The following DNAH14 variants were observed in gnomAD, a reference collection of about 807,000 sequenced individuals.
The protein encoded by DNAH14 is axonemal beta dynein heavy chain 14.
Under a neutral mutation model 520.9 loss-of-function variants are expected in DNAH14, and 478 were observed. The ratio of observed to expected loss-of-function variants is 0.92; its 90% CI spans 0.85 to 0.99. The LOEUF (loss-of-function observed/expected upper bound fraction) is 0.99, where lower values mean the gene tolerates loss of function less well. DNAH14 is among the 50% of genes least tolerant of loss of function. The probability of loss-of-function intolerance (pLI) is 0.00; values close to 1 mark genes in which losing one functional copy is unlikely to be tolerated. For missense variants in DNAH14, 4,831 were observed against 5,234.5 expected (o/e 0.92, Z 2.38); for synonymous variants, 1,581 against 1,757.2 (o/e 0.90, Z 2.51).
chr1:224,998,992 A>G (rs1257852551), intron 8 of DNAH14, among the ~76,000 whole-genome samples: 2 of 151,476 alleles, frequency 1.3e-5, no homozygotes, highest in African/African-American at 4.8e-5. Flanking sequence ...TGCTTTTAAC[A>G]TTGTATAGTG....
In DNAH14 at chr1:224,957,046, T is replaced by C. The variant is rs533306545; in HGVS notation, c.217+1948T>C. Among the ~76,000 whole-genome samples the C allele has an allele frequency of 6.6e-5, 10 of 152,266 alleles. No individual in the cohort carries two copies. The South Asian group carries it at 2.1e-3, about 32-fold the overall frequency. ...AAAGGTTCTAAGCAAGGAGTTAATA[T>C]GAGGATTTCTGTTTTGTAAAGATCA... is the stretch of plus-strand genomic sequence containing the variant. On this transcript the variant is annotated intron_variant, in intron 3 of 85. Coordinates refer to ENST00000682510, the MANE Select transcript of DNAH14 (RefSeq NM_001367479.1).
At chr1:225,384,749 CA>C (rs1269117725) in intron 81 of DNAH14, among the ~76,000 whole-genome samples, 9 of 151,936 alleles carry the variant, frequency 5.9e-5, no homozygotes, top group African/African-American at 1.9e-4. Flanking sequence ...GCCTACCAAC[CA>C]AAAAAAGTCC....
intron 78 of DNAH14, among the ~76,000 whole-genome samples, 169 bp from the exon 79 acceptor site, chr1:225,377,068 G>A (rs536457233): frequency 4.0e-5 from 6 of 151,854 alleles, no homozygotes; most frequent in Admixed American, 2.0e-4. Flanking sequence ...TTTTGACAGT[G>A]TCTATAATAT....
chr1:225,337,995 G>A lies in DNAH14; in HGVS notation c.10312-66G>A, dbSNP rs570184448. The A allele has an allele frequency of 1.2e-4, 169 of 1,380,528 alleles. No individual in the cohort carries two copies. In the African/African-American group the frequency reaches 2.0e-3, roughly 17 times the overall value. The allele number at this position is 1,380,528 out of a possible 1,614,324, so 85.5% of individuals were successfully genotyped here. A position where few individuals can be genotyped will look rare whatever the true frequency, so the allele number is the denominator to read the frequency against. On this transcript the variant is annotated intron_variant, in intron 67 of 85. Transcript: ENST00000682510. ...CTCAACCTTTAAATGTTTTATTGCT[G>A]CTTTTTTTTTTCAACCAATTTGTTT...
chr1:225,125,939 A>T (rs2077676513), intron 27 of DNAH14, among the ~76,000 whole-genome samples: 1 of 152,184 alleles, frequency 6.6e-6, no homozygotes, highest in Non-Finnish European at 1.5e-5. Context: ...GGTTGGCCTA[A>T]ATTCAACATT....
At chr1:225,061,473 G>A (rs1159866886) in intron 17 of DNAH14, among the ~76,000 whole-genome samples, 1 of 152,184 alleles carries the variant, frequency 6.6e-6, no homozygotes, top group African/African-American at 2.4e-5. Flanking sequence ...GGGTGAGGCC[G>A]TGCCTCACTC....
chr1:225,235,026 T>C, intron 42 of DNAH14, among the ~76,000 whole-genome samples: 1 of 152,216 alleles, frequency 6.6e-6, no homozygotes, highest in East Asian at 1.9e-4. Context: ...CCTATATGAA[T>C]ACACTTTATT....
chr1:225,322,437 CTTAT>C (rs1282696179), intron 61 of DNAH14, among the ~76,000 whole-genome samples: 1 of 152,072 alleles, frequency 6.6e-6, no homozygotes, highest in Non-Finnish European at 1.5e-5. Context: ...AGATGTAGTA[CTTAT>C]TTAAGTTTTA....
Position 225,082,600 on chromosome 1 carries a change from T to A in DNAH14, c.3188T>A (p.Phe1063Tyr), listed in dbSNP as rs1459339311. The change falls in exon 20 of 86, where the codon TTT (phenylalanine) becomes TAT (tyrosine). Residue 1063 changes from phenylalanine (F) to tyrosine (Y), a missense_variant. Coordinates refer to ENST00000682510, the MANE Select transcript of DNAH14 (RefSeq NM_001367479.1). ...CATCTTAAGCAAGTGGTAACAGAGT[T>A]TAAACAAGAGCTGCCTATCATTATA... The part of the protein sequence containing the change: ...VTHLKQVVTE[F>Y]KQELPIIIAL... 4.5e-6 allele frequency: 7 copies of A among 1,551,638 alleles called. No homozygotes were observed. Among genetic ancestry groups the A allele is most frequent in the Non-Finnish European group, 4.4e-6 (5 of 1,146,956 alleles).
intron 61 of DNAH14, among the ~76,000 whole-genome samples, chr1:225,319,752 G>A (rs1052678694): frequency 1.3e-5 from 2 of 152,122 alleles, no homozygotes; most frequent in African/African-American, 2.4e-5. Flanking sequence ...AGCAGTTAAC[G>A]GTTGTGGAAA....
Position 225,324,203 on chromosome 1 carries a change from T to C in DNAH14, c.9496-19T>C, listed in dbSNP as rs10799300. 347,234 of 1,549,766 alleles carry C rather than the reference T, an allele frequency of 0.22. 40,310 individuals are homozygous for C. The highest frequency in any genetic ancestry group is 0.34 in the African/African-American group (24,678 of 73,038). ...TAATATTTCTTTCTCATGTAATACA[T>C]TAACTGTGTTCTCTCTAGGTTTTCG... On this transcript the variant is annotated intron_variant, in intron 62 of 85. Transcript: ENST00000682510.
At chr1:224,945,358 A>T (rs1033053118) in intron 1 of DNAH14, among the ~76,000 whole-genome samples, 1 of 151,768 alleles carries the variant, frequency 6.6e-6, no homozygotes, top group African/African-American at 2.4e-5. Context: ...TCCTTTAAGG[A>T]CTTCTCTGCA....
intron 8 of DNAH14, among the ~76,000 whole-genome samples, chr1:224,991,895 A>G (rs986343451): frequency 4.6e-5 from 7 of 152,242 alleles, no homozygotes; most frequent in Non-Finnish European, 8.8e-5. Flanking sequence ...CTTTAGAGAA[A>G]TGCAAATCAA....
rs537709068 is a variant in DNAH14 at position 225,351,676 on chromosome 1, C to A, written c.11326C>A (p.Leu3776Ile). 1.9e-6 allele frequency: 3 copies of A among 1,549,632 alleles called. No individual in the cohort carries two copies. In the East Asian group the frequency reaches 7.3e-5, roughly 38 times the overall value. ...ATTTGAAATAGGTGAAAGTCAACAT[C>A]TTCAGTGGCTGTCAGATTCCAGGTG... ...STFEIGESQHLQWLSDSRWRQ... is the reference protein window; with the variant it reads ...STFEIGESQHIQWLSDSRWRQ... The change falls in exon 72 of 86, where the codon CTT becomes ATT. Residue 3776 changes from leucine (L) to isoleucine (I), a missense_variant. Transcript: ENST00000682510.
In DNAH14 at chr1:225,301,031, G is replaced by A. The variant is rs1190097252; in HGVS notation, c.8631+1G>A. The A allele has an allele frequency of 1.3e-6, 2 of 1,546,212 alleles. No individual in the cohort carries two copies. Among genetic ancestry groups the A allele is most frequent in the Non-Finnish European group, 1.7e-6 (2 of 1,145,144 alleles). ...ATCTTTACTTTCATTCTTTCAAAAG[G>A]TACTTTTTTGTGACTTGGCTTTATC... On this transcript the variant is annotated splice_donor_variant, in intron 56 of 85. Transcript: ENST00000682510. LOFTEE classifies it high-confidence loss of function.
intron 9 of DNAH14, among the ~76,000 whole-genome samples, chr1:225,006,230 G>A (rs537614339): frequency 6.6e-6 from 1 of 152,222 alleles, no homozygotes; most frequent in South Asian, 2.1e-4. Flanking sequence ...GAGGATGTAT[G>A]TCCCCTCAGG....
intron 30 of DNAH14, 131 bp from the exon 31 acceptor site, chr1:225,146,973 A>T: frequency 1.5e-6 from 1 of 646,352 alleles, no homozygotes; most frequent in Non-Finnish European, 2.5e-6. Context: ...AAAAATGCCT[A>T]GGAGGGGGAA....
chr1:225,312,086 T>C (rs1307909738), intron 60 of DNAH14, among the ~76,000 whole-genome samples: 2 of 152,218 alleles, frequency 1.3e-5, no homozygotes, highest in African/African-American at 4.8e-5. Context: ...GAGCATGGAA[T>C]GTTTTTCCGT....
At chr1:225,299,916 C>G (rs1010047104) in intron 55 of DNAH14, among the ~76,000 whole-genome samples, 3 of 152,152 alleles carry the variant, frequency 2.0e-5, no homozygotes, top group Non-Finnish European at 4.4e-5. Flanking sequence ...CCCTTCCCCA[C>G]CTGAACTGAA....
Sources: gnomAD v4.1 joint callset for allele counts (sites outside exome capture counted in the v4.1 genomes callset) on GRCh38, gnomAD v4.1.1 for gene constraint, MANE v1.5 for transcripts, NCBI Gene and HGNC (gene_info 2026-07-23, HGNC 2026-07-21) for gene names.